Variants in TRAPPC4 observed in about 807,000 individuals in gnomAD.
TRAPPC4 encodes the protein TRS23 homolog.
A neutral mutation model predicts 23.5 loss-of-function variants in TRAPPC4; 30 were observed. That is an observed-to-expected ratio of 1.28 (90% CI 0.96 to 1.73). TRAPPC4 has a LOEUF of 1.73. Among genes scored for constraint, TRAPPC4 ranks in the 40% most tolerant of loss-of-function variants. The pLI is 0.00. For missense variants in TRAPPC4, 252 were observed against 268.9 expected (o/e 0.94, Z 0.44); for synonymous variants, 129 against 105.3 (o/e 1.23, Z -1.38).
intron 1 of TRAPPC4, 36 bp from the exon 2 acceptor site, chr11:119,019,107 C>G (rs1404083398): frequency 5.6e-6 from 9 of 1,604,344 alleles, no homozygotes; most frequent in Non-Finnish European, 6.0e-6. Flanking sequence ...AATCCCCGGG[C>G]TGCACCTTCG....
In TRAPPC4 at chr11:119,020,426, ATTC is replaced by A. The variant is rs139812120; in HGVS notation, c.454+176_454+178del. 60,219 of 553,760 alleles carry A rather than the reference ATTC, an allele frequency of 0.11. 2,617 individuals carry two copies. Among genetic ancestry groups the A allele is most frequent in the Middle Eastern group, 0.14 (299 of 2,076 alleles). 34.3% of individuals were successfully genotyped at this position (553,760 alleles called of 1,614,324 possible). The stretch of plus-strand genomic sequence containing the variant: ...GAGGGGGTGTGCTTTTCCTGGCACA[ATTC>A]TTTTTTTTTTTGAAATGTTTCACTC... On this transcript the variant is annotated intron_variant, in intron 3 of 4. Coordinates refer to ENST00000533632, the MANE Select transcript of TRAPPC4 (RefSeq NM_016146.6).
intron 3 of TRAPPC4, chr11:119,020,509 T>C (rs1031350259): frequency 2.2e-4 from 75 of 337,264 alleles, no homozygotes; most frequent in Non-Finnish European, 2.1e-4. Context: ...TTCAAGCGAT[T>C]CTCCTGCCTC....
intron 2 of TRAPPC4, chr11:119,019,794 A>G (rs1408537810): frequency 1.5e-5 from 3 of 203,140 alleles, no homozygotes; most frequent in Non-Finnish European, 3.0e-5. Flanking sequence ...TAGTTTCTTC[A>G]TATTTAAAGA....
In TRAPPC4 at chr11:119,018,829, G is replaced by A; in HGVS notation, c.34G>A (p.Ala12Thr). 1 of 1,614,262 alleles carries A rather than the reference G, an allele frequency of 6.2e-7. No homozygotes were observed. The highest frequency in any genetic ancestry group is 8.5e-7 in the Non-Finnish European group (1 of 1,180,044). ...AIFSVYVVNKAGGLIYQLDSY... is the reference protein window; with the variant it reads ...AIFSVYVVNKTGGLIYQLDSY... Reference sequence around the variant, plus strand: ...TTTTAGTGTGTATGTGGTGAACAAAGCTGGCGGCTTGATTTACCAGTTGGA... The same window carrying A: ...TTTTAGTGTGTATGTGGTGAACAAAACTGGCGGCTTGATTTACCAGTTGGA... The change falls in exon 1 of 5, where the codon GCT (alanine) becomes ACT (threonine). Residue 12 changes from alanine (A) to threonine (T), a missense_variant. By Grantham distance (58) the Ala-to-Thr change is moderately conservative. Transcript: ENST00000533632.
rs782358696 is a variant in TRAPPC4, at chr11:119,018,973, G to C, written c.175+3G>C. The C allele has an allele frequency of 5.4e-5, 87 of 1,610,910 alleles. No individual in the cohort carries two copies. Among genetic ancestry groups the C allele is most frequent in the Non-Finnish European group, 7.0e-5 (82 of 1,179,314 alleles). On this transcript the variant is annotated splice_donor_region_variant and intron_variant, in intron 1 of 4. Coordinates refer to ENST00000533632, the MANE Select transcript of TRAPPC4 (RefSeq NM_016146.6). ...CGGCCAGCGGGACGGCATCCGAGGT[G>C]GGCTAGGCTCGGGCCCGTGGCGGGT...
chr11:119,019,411 G>C (rs782456834), intron 2 of TRAPPC4, 94 bp downstream of exon 2: 11 of 1,372,878 alleles, frequency 8.0e-6, no homozygotes, highest in Non-Finnish European at 1.0e-5. Flanking sequence ...AACCGATCCA[G>C]ATCTAGATTT....
chr11:119,023,362 T>G lies in TRAPPC4; in HGVS notation c.623T>G (p.Val208Gly). The change falls in exon 5 of 5, where the codon GTG (valine) becomes GGG (glycine). Residue 208 changes from valine to glycine, a missense_variant. Coordinates refer to ENST00000533632, the MANE Select transcript of TRAPPC4 (RefSeq NM_016146.6). ...CAGAACCTGAAGCTAGCTCTGGAGGTGGCAGAGAAGGCTGGAACTTTTGGA... is the reference window on the plus strand; with the variant it reads ...CAGAACCTGAAGCTAGCTCTGGAGGGGGCAGAGAAGGCTGGAACTTTTGGA... ...FDQNLKLALE[V>G]AEKAGTFGPG... 6.2e-7 allele frequency: 1 copy of G among 1,613,952 alleles called. No homozygotes were observed. The highest frequency in any genetic ancestry group is 1.3e-5 in the African/African-American group (1 of 74,968).
chr11:119,020,371 T>C, intron 3 of TRAPPC4, 118 bp downstream of exon 3: 1 of 752,222 alleles, frequency 1.3e-6, no homozygotes, highest in East Asian at 2.7e-5. Context: ...GAGGAGGGGG[T>C]TGACCAAAGA....
At chr11:119,019,398 C>A in intron 2 of TRAPPC4, 81 bp downstream of exon 2, 1 of 1,438,956 alleles carries the variant, frequency 6.9e-7, no homozygotes, top group Non-Finnish European at 9.5e-7. Context: ...TTATGAAAAA[C>A]GCAACCGATC....
Position 119,023,437 on chromosome 11 carries a change from CT to C in TRAPPC4, c.*39del. 6.3e-7 allele frequency: 1 copy of C among 1,596,530 alleles called. No homozygotes were observed. The highest frequency in any genetic ancestry group is 8.6e-7 in the Non-Finnish European group (1 of 1,164,248). On this transcript the variant is annotated 3_prime_UTR_variant, in exon 5 of 5. Coordinates refer to ENST00000533632, the MANE Select transcript of TRAPPC4 (RefSeq NM_016146.6). ...ATGGACCCCCAAATTCTGAGAGTTC[CT>C]GCAACAAGAATACTGCTGTTGACAC...
chr11:119,018,909 G>C lies in TRAPPC4; in HGVS notation c.114G>C (p.Leu38=), dbSNP rs1356128251. The C allele has an allele frequency of 1.2e-6, 2 of 1,613,998 alleles. No individual in the cohort carries two copies. The highest frequency in any genetic ancestry group is 1.3e-5 in the African/African-American group (1 of 75,062). The change falls in exon 1 of 5, where the codon CTG becomes CTC. Residue 38 remains leucine, a synonymous_variant. Transcript: ENST00000533632. ...AEKTFSYPLD[L]LLKLHDERVL... ...AAACTTTCAGTTATCCGCTGGATCTGCTGCTCAAGCTACACGATGAGCGTG... is the reference window on the plus strand; with the variant it reads ...AAACTTTCAGTTATCCGCTGGATCTCCTGCTCAAGCTACACGATGAGCGTG...
rs1393346692 is a variant in TRAPPC4, at chr11:119,021,902, T to C, written c.581+16T>C. 1.9e-6 allele frequency: 3 copies of C among 1,613,736 alleles called. No homozygotes were observed. Among genetic ancestry groups the C allele is most frequent in the African/African-American group, 2.7e-5 (2 of 74,924 alleles). On this transcript the variant is annotated intron_variant, in intron 4 of 4. Transcript: ENST00000533632. ...TGCCTATCAGGTAAGTGGCCCCACT[T>C]CCCAGATACTGTTTAAAGCGTCCTT... is the stretch of plus-strand genomic sequence containing the variant.
At position 119,021,618 on chromosome 11, in the gene TRAPPC4, T is replaced by C; in HGVS notation, c.455-142T>C. On this transcript the variant is annotated intron_variant, in intron 3 of 4. Coordinates refer to ENST00000533632, the MANE Select transcript of TRAPPC4 (RefSeq NM_016146.6). ...ATCGGTAGATTCAAAGTCTTGCCTT[T>C]CCTGCATTATGTGGTAAAAAGAATA... 3 of 879,488 alleles carry C rather than the reference T, an allele frequency of 3.4e-6. No individual in the cohort carries two copies. The South Asian group carries it at 5.4e-5, about 16-fold the overall frequency. The allele number at this position is 879,488 out of a possible 1,614,324, so 54.5% of individuals were successfully genotyped here. A position where few individuals can be genotyped will look rare whatever the true frequency, so the allele number is the denominator to read the frequency against.
Position 119,019,192 on chromosome 11 carries a change from C to T in TRAPPC4, c.225C>T (p.Tyr75=), listed in dbSNP as rs782092966. The change falls in exon 2 of 5, where the codon TAC becomes TAT. Residue 75 remains tyrosine (Y), a synonymous_variant. Transcript: ENST00000533632. ...AINGMDVNGR[Y]TADGKEVLEY... is the part of the protein sequence containing the mutation. ...ATGGCATGGACGTGAATGGCAGGTACACGGCCGACGGGAAAGAGGTGCTGG... is the reference window on the plus strand; with the variant it reads ...ATGGCATGGACGTGAATGGCAGGTATACGGCCGACGGGAAAGAGGTGCTGG... The T allele has an allele frequency of 1.2e-6, 2 of 1,614,046 alleles. No individual in the cohort carries two copies. Among genetic ancestry groups the T allele is most frequent in the South Asian group, 2.2e-5 (2 of 91,088 alleles).
At chr11:119,020,088 A>G in intron 2 of TRAPPC4, 62 bp from the exon 3 acceptor site, 1 of 1,208,570 alleles carries the variant, frequency 8.3e-7, no homozygotes, top group East Asian at 2.3e-5. Context: ...AAATAGGGAC[A>G]CTTCAGTGGA....
intron 4 of TRAPPC4, among the ~76,000 whole-genome samples, chr11:119,022,301 A>G (rs782247379): frequency 2.0e-5 from 3 of 152,156 alleles, no homozygotes; most frequent in Non-Finnish European, 2.9e-5. Context: ...ACTTTTAAGT[A>G]AGACACAAGG....
At position 119,019,007 on chromosome 11, in the gene TRAPPC4, G is replaced by A. The variant is rs782539944; in HGVS notation, c.175+37G>A. ...TCGGGCCCGTGGCGGGTGCGGGGGT[G>A]GGAGGGCCCCAGTGCTGTAGAAGTG... is the stretch of plus-strand genomic sequence containing the variant. On this transcript the variant is annotated intron_variant, in intron 1 of 4. Coordinates refer to ENST00000533632, the MANE Select transcript of TRAPPC4 (RefSeq NM_016146.6). The A allele has an allele frequency of 4.4e-6, 7 of 1,602,926 alleles. No individual in the cohort carries two copies. In the Admixed American group the frequency reaches 1.2e-4, roughly 27 times the overall value.
Position 119,018,872 on chromosome 11 carries a change from C to G in TRAPPC4, c.77C>G (p.Ala26Gly). The change falls in exon 1 of 5, where the codon GCT becomes GGT. Residue 26 changes from alanine (A) to glycine (G), a missense_variant. Ala to Gly is a moderately conservative substitution (Grantham distance 60, BLOSUM62 0). Around this residue, in one of 3 missense-constraint regions of TRAPPC4, gnomAD observed 222 missense variants for 217.8 expected, o/e 1.02. Coordinates refer to ENST00000533632, the MANE Select transcript of TRAPPC4 (RefSeq NM_016146.6). ...CAGTTGGACAGCTACGCGCCACGGG[C>G]TGAGGCTGAGAAAACTTTCAGTTAT... ...IYQLDSYAPR[A>G]EAEKTFSYPL... 6.2e-7 allele frequency: 1 copy of G among 1,614,216 alleles called. No individual in the cohort carries two copies. The highest frequency in any genetic ancestry group is 8.5e-7 in the Non-Finnish European group (1 of 1,180,042).
In TRAPPC4 at chr11:119,019,239, A is replaced by C. The variant is rs531916329; in HGVS notation, c.272A>C (p.Asn91Thr). 4 of 1,614,074 alleles carry C rather than the reference A, an allele frequency of 2.5e-6. No homozygotes were observed. The South Asian group carries it at 4.4e-5, about 18-fold the overall frequency. Residue 91 changes from asparagine to threonine, a missense_variant, in exon 2 of 5, where the codon AAT (asparagine) becomes ACT (threonine). By Grantham distance (65) the Asn-to-Thr change is moderately conservative. Transcript: ENST00000533632. ...EVLEYLGNPANYPVSIRFGRP... is the reference protein window; with the variant it reads ...EVLEYLGNPATYPVSIRFGRP... Reference sequence around the variant, plus strand: ...CTGGAGTATCTGGGTAACCCTGCTAATTACCCGGTGTCCATTCGATTTGGC... The same window carrying C: ...CTGGAGTATCTGGGTAACCCTGCTACTTACCCGGTGTCCATTCGATTTGGC...
Sources: allele counts gnomAD v4.1 joint callset (sites outside exome capture counted in the v4.1 genomes callset), GRCh38; gene constraint gnomAD v4.1.1; regional missense constraint gnomAD v4.1.1; transcripts MANE v1.5; gene names NCBI Gene and HGNC (gene_info 2026-07-23, HGNC 2026-07-21).